The following ATP6V1D variants were observed in gnomAD, a reference collection of about 807,000 sequenced individuals.
The protein encoded by ATP6V1D is V-type proton ATPase subunit D.
Under a neutral mutation model 39.4 loss-of-function variants are expected in ATP6V1D, and 20 were observed. That is an observed-to-expected ratio of 0.51 (90% CI 0.36 to 0.74). ATP6V1D has a LOEUF of 0.74. Among genes scored for constraint, ATP6V1D ranks in the 30% least tolerant of loss-of-function variants. The pLI is 0.00. For missense variants in ATP6V1D, 228 were observed against 291.6 expected (o/e 0.78, Z 1.59); for synonymous variants, 100 against 100.5 (o/e 0.99, Z 0.03).
rs535558983 is a variant in ATP6V1D, at chr14:67,338,205, T to C, written c.*416A>G. The C allele has an allele frequency of 2.6e-4, 41 of 155,332 alleles. No individual in the cohort carries two copies. Among genetic ancestry groups the C allele is most frequent in the Non-Finnish European group, 4.9e-4 (34 of 69,902 alleles). The allele number at this position is 155,332 out of a possible 1,614,324, so 9.6% of individuals were successfully genotyped here. A position where few individuals can be genotyped will look rare whatever the true frequency, so the allele number is the denominator to read the frequency against. On this transcript the variant is annotated 3_prime_UTR_variant, in exon 9 of 9. Coordinates refer to ENST00000216442, the MANE Select transcript of ATP6V1D (RefSeq NM_015994.4). ...TCACAAAGTTTGAGAAGTACCATGG[T>C]AACAAGAATGGCTGCAGCAATCTCA... is the stretch of plus-strand genomic sequence containing the variant.
chr14:67,340,432 C>CAA lies in ATP6V1D; in HGVS notation c.602+6_602+7dup, dbSNP rs1279495050. ...AAAGATGATCAATAACTGCCAATTT[C>CAA]AACAAACCTATAGAACTCTTCTCGC... On this transcript the variant is annotated splice_region_variant and intron_variant, in intron 8 of 8. Transcript: ENST00000216442. 20 of 1,611,996 alleles carry CAA rather than the reference C, an allele frequency of 1.2e-5. No homozygotes were observed. The highest frequency in any genetic ancestry group is 1.7e-5 in the Non-Finnish European group (20 of 1,178,496).
chr14:67,353,477 C>CTTT (rs1253515683), intron 1 of ATP6V1D, among the ~76,000 whole-genome samples: 1 of 151,616 alleles, frequency 6.6e-6, no homozygotes, highest in Non-Finnish European at 1.5e-5. Context: ...AGCAAGACTC[C>CTTT]TTTTGTTGTT....
intron 1 of ATP6V1D, among the ~76,000 whole-genome samples, chr14:67,358,817 T>G (rs1465151513): frequency 6.6e-6 from 1 of 152,100 alleles, no homozygotes; most frequent in Non-Finnish European, 1.5e-5. Flanking sequence ...ACACCTACAG[T>G]GATATGCCAT....
At chr14:67,349,191 G>A (rs1436096968) in intron 3 of ATP6V1D, 87 bp from the exon 4 acceptor site, 2 of 1,242,452 alleles carry the variant, frequency 1.6e-6, no homozygotes, top group African/African-American at 3.0e-5. Flanking sequence ...CATTAAATGA[G>A]ACCAAGAGTG....
At chr14:67,338,832 G>T in intron 8 of ATP6V1D, 70 bp from the exon 9 acceptor site, 1 of 1,415,860 alleles carries the variant, frequency 7.1e-7, no homozygotes, top group Non-Finnish European at 9.6e-7. Flanking sequence ...ATTTCTTTGA[G>T]TTTTGTAACA....
Position 67,349,040 on chromosome 14 carries a change from C to T in ATP6V1D, c.304G>A (p.Ala102Thr). The change falls in exon 4 of 9, where the codon GCA becomes ACA. Residue 102 changes from alanine to threonine, a missense_variant. Ala to Thr is a moderately conservative substitution (Grantham distance 58). Coordinates refer to ENST00000216442, the MANE Select transcript of ATP6V1D (RefSeq NM_015994.4). ...TTCTAAAAGGTTGAAACGTTACCTG[C>T]TACATTATCTTTCTTCGCTCGAATC... is the stretch of plus-strand genomic sequence containing the variant. ...VKIRAKKDNV[A>T]GVTLPVFEHY... 4 of 1,613,886 alleles carry T rather than the reference C, an allele frequency of 2.5e-6. No homozygotes were observed. The highest frequency in any genetic ancestry group is 3.4e-6 in the Non-Finnish European group (4 of 1,179,806).
chr14:67,355,893 A>G (rs1219342881), intron 1 of ATP6V1D, among the ~76,000 whole-genome samples: 2 of 151,990 alleles, frequency 1.3e-5, no homozygotes, highest in Non-Finnish European at 2.9e-5. Context: ...CCATATACAA[A>G]GAAGGCTAAG....
At chr14:67,350,492 T>C in intron 3 of ATP6V1D, 119 bp downstream of exon 3, 1 of 759,538 alleles carries the variant, frequency 1.3e-6, no homozygotes, top group Non-Finnish European at 2.1e-6. Flanking sequence ...TTCTTTCTTA[T>C]TATTACTATA....
chr14:67,342,126 T>C (rs538949688), intron 7 of ATP6V1D, among the ~76,000 whole-genome samples: 1 of 151,196 alleles, frequency 6.6e-6, no homozygotes, highest in East Asian at 1.9e-4. Flanking sequence ...CCCTCCACTA[T>C]TGTCCTATGA....
chr14:67,354,647 T>C (rs2085674129), intron 1 of ATP6V1D, among the ~76,000 whole-genome samples: 1 of 152,208 alleles, frequency 6.6e-6, no homozygotes, highest in African/African-American at 2.4e-5. Context: ...GTGCTGTCTA[T>C]ATAACAGTCT....
At chr14:67,354,301 C>A (rs920504184) in intron 1 of ATP6V1D, among the ~76,000 whole-genome samples, 1 of 152,012 alleles carries the variant, frequency 6.6e-6, no homozygotes, top group African/African-American at 2.4e-5. Flanking sequence ...TTTATGATGC[C>A]AACATAGTTT....
At chr14:67,357,026 T>C (rs1214301802) in intron 1 of ATP6V1D, among the ~76,000 whole-genome samples, 12 of 152,228 alleles carry the variant, frequency 7.9e-5, no homozygotes, top group Admixed American at 7.8e-4. Context: ...ATGGCATCTT[T>C]GTGAAATGGG....
At chr14:67,357,829 G>A (rs2085695914) in intron 1 of ATP6V1D, among the ~76,000 whole-genome samples, 1 of 152,160 alleles carries the variant, frequency 6.6e-6, no homozygotes, top group Non-Finnish European at 1.5e-5. Context: ...ATACTACCTG[G>A]CAATTAGTAA....
At chr14:67,348,883 C>T (rs2085639653) in intron 4 of ATP6V1D, 154 bp downstream of exon 4, 2 of 725,948 alleles carry the variant, frequency 2.8e-6, no homozygotes, top group African/African-American at 3.6e-5. Flanking sequence ...TAATTAGAAA[C>T]CTGGTTGTTA....
At position 67,349,104 on chromosome 14, in the gene ATP6V1D, G is replaced by A. The variant is rs957870799; in HGVS notation, c.240C>T (p.Ser80=). The A allele has an allele frequency of 3.7e-6, 6 of 1,613,636 alleles. No homozygotes were observed. Among genetic ancestry groups the A allele is most frequent in the Middle Eastern group, 1.6e-4 (1 of 6,062 alleles). Reference sequence around the variant, plus strand: ...TATTGACATTTTGGATAACTGTAGTGCTGCAGAAAAAGAGAAAGACTTTAT... The same window carrying A: ...TATTGACATTTTGGATAACTGTAGTACTGCAGAAAAAGAGAAAGACTTTAT... ...AEAKFTAGDF[S]TTVIQNVNKA... is the part of the protein sequence containing the mutation. Residue 80 remains serine, a splice_region_variant and synonymous_variant, in exon 4 of 9, where the codon AGC becomes AGT. Coordinates refer to ENST00000216442, the MANE Select transcript of ATP6V1D (RefSeq NM_015994.4).
intron 7 of ATP6V1D, among the ~76,000 whole-genome samples, chr14:67,341,207 G>A (rs1056145229): frequency 4.6e-5 from 7 of 152,164 alleles, no homozygotes; most frequent in Admixed American, 1.3e-4. Flanking sequence ...GTGACTGGCC[G>A]CCATCCCATC....
At chr14:67,351,607 C>T (rs2085653899) in intron 2 of ATP6V1D, among the ~76,000 whole-genome samples, 2 of 152,158 alleles carry the variant, frequency 1.3e-5, no homozygotes, top group African/African-American at 4.8e-5. Flanking sequence ...CTCATAGGCT[C>T]AGGCAATCCT....
chr14:67,349,049 C>G lies in ATP6V1D; in HGVS notation c.295G>C (p.Asp99His). The G allele has an allele frequency of 6.2e-7, 1 of 1,614,062 alleles. No individual in the cohort carries two copies. Among genetic ancestry groups the G allele is most frequent in the Non-Finnish European group, 8.5e-7 (1 of 1,179,946 alleles). Residue 99 changes from aspartate (D) to histidine (H), a missense_variant, in exon 4 of 9, where the codon GAT becomes CAT. By Grantham distance (81) the Asp-to-His change is moderately conservative. Around this residue, in one of 3 missense-constraint regions of ATP6V1D, gnomAD observed 104 missense variants for 120.2 expected, o/e 0.87. Coordinates refer to ENST00000216442, the MANE Select transcript of ATP6V1D (RefSeq NM_015994.4). Reference sequence around the variant, plus strand: ...GTTGAAACGTTACCTGCTACATTATCTTTCTTCGCTCGAATCTTCACTTGC... The same window carrying G: ...GTTGAAACGTTACCTGCTACATTATGTTTCTTCGCTCGAATCTTCACTTGC... ...KAQVKIRAKK[D>H]NVAGVTLPVF...
intron 3 of ATP6V1D, 66 bp from the exon 4 acceptor site, chr14:67,349,170 G>C: frequency 6.8e-7 from 1 of 1,463,356 alleles, no homozygotes; most frequent in Non-Finnish European, 9.5e-7. Context: ...GGACCCACTG[G>C]ATAGTTTTAA....
Sources: gnomAD v4.1 joint callset for allele counts (sites outside exome capture counted in the v4.1 genomes callset) on GRCh38, gnomAD v4.1.1 for gene constraint, gnomAD v4.1.1 regional missense constraint, MANE v1.5 for transcripts, NCBI Gene and HGNC (gene_info 2026-07-23, HGNC 2026-07-21) for gene names.